Variants in THADA observed in about 807,000 individuals in gnomAD.
The protein encoded by THADA is tRNA (32-2'-O)-methyltransferase regulator THADA.
THADA carries 213 observed loss-of-function variants against 219.8 expected under a neutral mutation model. The observed-to-expected ratio is 0.97, with a 90% confidence interval of 0.87 to 1.09. The LOEUF is 1.09. Ranked by LOEUF, THADA falls within the 50% of genes least tolerant of loss-of-function variation. The pLI is 0.00. For missense variants in THADA, 2,956 were observed against 2,311.3 expected (o/e 1.28, Z -5.72); for synonymous variants, 1,018 against 828.9 (o/e 1.23, Z -3.92).
intron 22 of THADA, among the ~76,000 whole-genome samples, chr2:43,518,043 C>A (rs1308304652): frequency 6.6e-6 from 1 of 152,160 alleles, no homozygotes. Context: ...ATCTTCCTTA[C>A]CACCAAACTT....
chr2:43,264,419 G>A (rs1671295107), intron 36 of THADA, among the ~76,000 whole-genome samples: 1 of 151,802 alleles, frequency 6.6e-6, no homozygotes, highest in African/African-American at 2.4e-5. Context: ...CCGAGTAGCT[G>A]GGATTACAGG....
intron 25 of THADA, among the ~76,000 whole-genome samples, chr2:43,494,907 A>C (rs561606139): frequency 1.4e-4 from 21 of 152,334 alleles, no homozygotes; most frequent in African/African-American, 4.8e-4. Flanking sequence ...TATATACATG[A>C]ATGCTTTCTG....
In THADA at chr2:43,577,128, A is replaced by C; in HGVS notation, c.931T>G (p.Cys311Gly). 1 of 1,612,758 alleles carries C rather than the reference A, an allele frequency of 6.2e-7. No homozygotes were observed. Among genetic ancestry groups the C allele is most frequent in the Non-Finnish European group, 8.5e-7 (1 of 1,179,454 alleles). ...DISQSAVLFL[C>G]QGTLAMLDWQ... Reference sequence around the variant, plus strand: ...TCCAACATGGCAAGTGTCCCCTGACAGAGGAATAAGACAGCTGACTGAGAG... The same window carrying C: ...TCCAACATGGCAAGTGTCCCCTGACCGAGGAATAAGACAGCTGACTGAGAG... The change falls in exon 10 of 38, where the codon TGT becomes GGT. Residue 311 changes from cysteine (C) to glycine (G), a missense_variant. Coordinates refer to ENST00000405975, the MANE Select transcript of THADA (RefSeq NM_022065.5).
intron 26 of THADA, among the ~76,000 whole-genome samples, chr2:43,433,460 C>T (rs1679645203): frequency 6.6e-6 from 1 of 151,696 alleles, no homozygotes; most frequent in African/African-American, 2.4e-5. Context: ...ACCTGGGAGG[C>T]AGAGGTTGCA....
At chr2:43,512,741 A>G (rs1690655807) in intron 22 of THADA, among the ~76,000 whole-genome samples, 1 of 152,346 alleles carries the variant, frequency 6.6e-6, no homozygotes, top group South Asian at 2.1e-4. Flanking sequence ...ACCTCAGGTG[A>G]TCCGCCTGCC....
At chr2:43,237,199 C>T (rs1010447647) in intron 36 of THADA, among the ~76,000 whole-genome samples, 1 of 152,008 alleles carries the variant, frequency 6.6e-6, no homozygotes, top group Non-Finnish European at 1.5e-5. Context: ...GAAACACACC[C>T]TCACATTTAT....
At chr2:43,475,241 C>T (rs1685374670) in intron 26 of THADA, among the ~76,000 whole-genome samples, 1 of 151,800 alleles carries the variant, frequency 6.6e-6, no homozygotes, top group Non-Finnish European at 1.5e-5. Context: ...AATGGCGAAA[C>T]CCGGTCTCTA....
chr2:43,236,339 C>G (rs1668030937), intron 36 of THADA, among the ~76,000 whole-genome samples: 2 of 152,184 alleles, frequency 1.3e-5, no homozygotes, highest in African/African-American at 4.8e-5. Flanking sequence ...GCTTGAGGGA[C>G]CAGCTGCAAC....
Position 43,461,380 on chromosome 2 carries a change from T to C in THADA, c.3836+23854A>G, listed in dbSNP as rs78805829. ...TACACTTGAGTAAGTGCAGGAACCATTGAAAGGTCCATTTTAAGTACTAAA... is the reference window on the plus strand; with the variant it reads ...TACACTTGAGTAAGTGCAGGAACCACTGAAAGGTCCATTTTAAGTACTAAA... On this transcript the variant is annotated intron_variant, in intron 26 of 37. Transcript: ENST00000405975. Among the ~76,000 whole-genome samples the C allele has an allele frequency of 5.7e-3, 874 of 152,262 alleles. 10 individuals carry two copies. The highest frequency in any genetic ancestry group is 0.02 in the African/African-American group (822 of 41,550).
intron 26 of THADA, among the ~76,000 whole-genome samples, chr2:43,461,069 C>T (rs940853739): frequency 3.9e-5 from 6 of 152,122 alleles, no homozygotes; most frequent in East Asian, 1.9e-4. Context: ...AAAAACCTCT[C>T]GTAGAAAGTA....
intron 8 of THADA, 91 bp downstream of exon 8, chr2:43,581,650 T>C (rs1188691625): frequency 1.2e-5 from 13 of 1,130,414 alleles, no homozygotes; most frequent in Middle Eastern, 2.8e-4. Flanking sequence ...CAGTTAAGTA[T>C]CACATTTCAC....
At chr2:43,241,934 G>A (rs968703230) in intron 36 of THADA, among the ~76,000 whole-genome samples, 44 of 152,282 alleles carry the variant, frequency 2.9e-4, no homozygotes, top group African/African-American at 1.0e-3. Context: ...TCATCTCAGT[G>A]GTCTCCCCAC....
intron 24 of THADA, among the ~76,000 whole-genome samples, chr2:43,501,016 C>T (rs1225186675): frequency 1.3e-5 from 2 of 151,504 alleles, no homozygotes; most frequent in Non-Finnish European, 2.9e-5. Flanking sequence ...ATCTATAAGA[C>T]GTTTATGGGC....
At chr2:43,566,966 T>C (rs1698764338) in intron 14 of THADA, 145 bp from the exon 15 acceptor site, 2 of 590,830 alleles carry the variant, frequency 3.4e-6, no homozygotes, top group Middle Eastern at 9.6e-4. Context: ...TTGTTCACTT[T>C]GCTTAATAAT....
chr2:43,308,770 A>C (rs911258370), intron 31 of THADA, among the ~76,000 whole-genome samples: 6 of 150,098 alleles, frequency 4.0e-5, no homozygotes, highest in East Asian at 3.9e-4. Flanking sequence ...AAAAAAAAAA[A>C]AAAAAAAAAA....
intron 36 of THADA, among the ~76,000 whole-genome samples, chr2:43,267,082 G>C (rs13424398): frequency 9.2e-5 from 14 of 152,100 alleles, no homozygotes; most frequent in Non-Finnish European, 1.9e-4. Context: ...TCCTAATGAA[G>C]TGTCTGCATT....
chr2:43,592,035 C>G lies in THADA; in HGVS notation c.88G>C (p.Val30Leu). ...AAAGAAGCTAGATTTTTCCCTTCCA[C>G]ATCAGCAAAAGCTATATAACATATA... ...DLETLKSFAD[V>L]EGKNLASLLL... Residue 30 changes from valine (V) to leucine (L), a missense_variant, in exon 3 of 38, where the codon GTG (valine) becomes CTG (leucine). Coordinates refer to ENST00000405975, the MANE Select transcript of THADA (RefSeq NM_022065.5). 1.3e-6 allele frequency: 2 copies of G among 1,557,988 alleles called. No individual in the cohort carries two copies. The highest frequency in any genetic ancestry group is 1.7e-6 in the Non-Finnish European group (2 of 1,149,954).
At chr2:43,315,140 C>T (rs1475573404) in intron 31 of THADA, among the ~76,000 whole-genome samples, 1 of 152,226 alleles carries the variant, frequency 6.6e-6, no homozygotes, top group Non-Finnish European at 1.5e-5. Flanking sequence ...AAAAGTTTCC[C>T]TGAAATTGTT....
At chr2:43,532,402 G>C (rs1164672358) in intron 21 of THADA, among the ~76,000 whole-genome samples, 3 of 112,588 alleles carry the variant, frequency 2.7e-5, no homozygotes, top group Non-Finnish European at 5.0e-5. Context: ...AACAGAGTGA[G>C]ACTCCACCTC....
Sources: gnomAD v4.1 joint callset for allele counts (sites outside exome capture counted in the v4.1 genomes callset) on GRCh38, gnomAD v4.1.1 for gene constraint, MANE v1.5 for transcripts, NCBI Gene and HGNC (gene_info 2026-07-23, HGNC 2026-07-21) for gene names.